N4BP2L2: variants seen among roughly 807,000 people sequenced by gnomAD.
N4BP2L2 encodes the protein NEDD4-binding protein 2-like 2.
Under a neutral mutation model 56.2 loss-of-function variants are expected in N4BP2L2, and 50 were observed. That is an observed-to-expected ratio of 0.89 (90% confidence interval 0.71 to 1.13). N4BP2L2 has a LOEUF of 1.13. Among genes scored for constraint, N4BP2L2 ranks in the 50% most tolerant of loss-of-function variants. The probability of loss-of-function intolerance (pLI) is 0.00; values close to 1 mark genes in which losing one functional copy is unlikely to be tolerated. For missense variants in N4BP2L2, 689 were observed against 693.8 expected, an observed-to-expected ratio of 0.99 and a Z score of 0.08; for synonymous variants, 203 against 223.6, an observed-to-expected ratio of 0.91 and a Z score of 0.82.
intron 6 of N4BP2L2, among the ~76,000 whole-genome samples, chr13:32,501,962 G>A (rs1240603741): frequency 1.3e-5 from 2 of 151,726 alleles, no homozygotes; most frequent in African/African-American, 2.4e-5. Flanking sequence ...ATTGTTTTGA[G>A]CAATTCCAGA....
chr13:32,498,960 G>A (rs1168830631), intron 6 of N4BP2L2, among the ~76,000 whole-genome samples: 1 of 119,702 alleles, frequency 8.4e-6, no homozygotes, highest in East Asian at 2.4e-4. Context: ...TTGCACTCCA[G>A]ACTGGGTGAC....
chr13:32,484,545 G>A (rs143459678), intron 6 of N4BP2L2, among the ~76,000 whole-genome samples: 579 of 151,934 alleles, frequency 3.8e-3, no homozygotes, highest in Non-Finnish European at 6.2e-3. Context: ...GTGCAATGAC[G>A]TGATCTCGGC....
At chr13:32,501,151 A>C (rs1488263206) in intron 6 of N4BP2L2, among the ~76,000 whole-genome samples, 2 of 152,182 alleles carry the variant, frequency 1.3e-5, no homozygotes, top group African/African-American at 4.8e-5. Context: ...TACAGGTGTG[A>C]GCCACTGCAC....
At chr13:32,526,251 T>C (rs1009758182) in intron 3 of N4BP2L2, among the ~76,000 whole-genome samples, 1 of 152,142 alleles carries the variant, frequency 6.6e-6, no homozygotes, top group African/African-American at 2.4e-5. Context: ...ATTAACTTAA[T>C]TAAATAAAAC....
At chr13:32,436,245 T>C (rs2138144359) in intron 9 of N4BP2L2, 1 of 461,770 alleles carries the variant, frequency 2.2e-6, no homozygotes, top group East Asian at 4.5e-5. Context: ...CAAACTTCAT[T>C]TTTTATATTT....
At chr13:32,518,003 C>T (rs2049630080) in exon 6 of N4BP2L2, 1 of 1,610,558 alleles carries the variant, frequency 6.2e-7, no homozygotes, top group Non-Finnish European at 8.5e-7. Flanking sequence ...GTTTATTCCT[C>T]CTAACAAAAA....
chr13:32,496,017 CACT>C (rs2088520811), intron 6 of N4BP2L2, among the ~76,000 whole-genome samples: 1 of 152,094 alleles, frequency 6.6e-6, no homozygotes, highest in African/African-American at 2.4e-5. Flanking sequence ...GACTACTCAC[CACT>C]GATTCCCCAG....
chr13:32,538,453 G>C (rs767071182), intron 1 of N4BP2L2, among the ~76,000 whole-genome samples, 165 bp downstream of exon 1: 5 of 152,158 alleles, frequency 3.3e-5, no homozygotes, highest in Non-Finnish European at 7.4e-5. Flanking sequence ...TCCCAGTGCA[G>C]ACACGCTCAG....
intron 6 of N4BP2L2, among the ~76,000 whole-genome samples, chr13:32,479,503 G>A (rs1287182409): frequency 4.6e-5 from 7 of 151,452 alleles, no homozygotes; most frequent in African/African-American, 1.7e-4. Flanking sequence ...GGATGGTCTC[G>A]ATCTCCTGAC....
At chr13:32,516,787 A>G (rs2049312603) in exon 6 of N4BP2L2, 1 of 397,140 alleles carries the variant, frequency 2.5e-6, no homozygotes, top group Non-Finnish European at 3.4e-6. Context: ...TAAGAGAAGT[A>G]GTAGTGTTTT....
At chr13:32,481,118 CAAAAAAAAAAAAA>C (rs60854435) in intron 6 of N4BP2L2, among the ~76,000 whole-genome samples, 13 of 20,716 alleles carry the variant, frequency 6.3e-4, no homozygotes, top group African/African-American at 9.2e-4. Flanking sequence ...GACTCTGTCT[CAAAAAAAAAAAAA>C]AAAAAAAAAA....
intron 6 of N4BP2L2, among the ~76,000 whole-genome samples, chr13:32,448,397 AAGTT>A (rs2077359482): frequency 6.6e-6 from 1 of 152,144 alleles, no homozygotes; most frequent in African/African-American, 2.4e-5. Flanking sequence ...CACTAAATAA[AAGTT>A]AGTCATGGAG....
intron 6 of N4BP2L2, among the ~76,000 whole-genome samples, chr13:32,500,233 T>C (rs1370719577): frequency 6.6e-6 from 1 of 152,194 alleles, no homozygotes; most frequent in Non-Finnish European, 1.5e-5. Context: ...ATCAGTGTCA[T>C]AACATAGCAA....
chr13:32,508,373 G>A (rs2091279081), downstream of N4BP2L2: 3 of 152,124 alleles, frequency 2.0e-5, no homozygotes, highest in African/African-American at 7.2e-5. Flanking sequence ...CAGCAAAGAA[G>A]GCGAGGTTGA....
At chr13:32,475,677 C>T (rs897470266) in intron 6 of N4BP2L2, among the ~76,000 whole-genome samples, 14 of 152,074 alleles carry the variant, frequency 9.2e-5, no homozygotes, top group Middle Eastern at 6.8e-3. Flanking sequence ...ATGATTGGCA[C>T]GACTGCCAGT....
Position 32,522,271 on chromosome 13 carries a change from C to G in N4BP2L2, c.1385-1G>C, listed in dbSNP as rs373298163. 6.7e-7 allele frequency: 1 copy of G among 1,493,308 alleles called. No individual in the cohort carries two copies. Among genetic ancestry groups the G allele is most frequent in the Admixed American group, 2.3e-5 (1 of 43,706 alleles). 92.5% of individuals were successfully genotyped at this position (1,493,308 alleles called of 1,614,324 possible). On this transcript the variant is annotated splice_acceptor_variant, in intron 3 of 5. Transcript: ENST00000267068. LOFTEE classifies it high-confidence loss of function. ...CTTCCCTGATCGATAGCTTGTTTTG[C>G]TGAAATAAAATATAAATTTAAAAAT...
chr13:32,488,966 A>T (rs1215814243), intron 6 of N4BP2L2, among the ~76,000 whole-genome samples: 2 of 152,212 alleles, frequency 1.3e-5, no homozygotes, highest in Non-Finnish European at 2.9e-5. Flanking sequence ...TCAGCTACTC[A>T]GGAGATGGAC....
rs938613694 is a variant in N4BP2L2 at position 32,473,273 on chromosome 13, C to T, written c.366-29147G>A. 4.0e-5 allele frequency among the ~76,000 whole-genome samples: 6 copies of T among 148,604 alleles called. No homozygotes were observed. The South Asian group carries it at 8.5e-4, about 21-fold the overall frequency. On this transcript the variant is annotated intron_variant, in intron 6 of 9. Transcript: ENST00000357505. ...CTCCAGCCTGGGCAACAGAAGGAGA[C>T]TCCGTCTCAAAAAAAAAAAAAAATT...
chr13:32,492,273 ATTTTTTTTTTTTT>A (rs72053635), intron 6 of N4BP2L2, among the ~76,000 whole-genome samples: 3 of 72,144 alleles, frequency 4.2e-5, no homozygotes, highest in African/African-American at 1.7e-4. Context: ...AAACACCAAA[ATTTTTTTTTTTTT>A]TTTTTTTTTT....
Sources: allele counts gnomAD v4.1 joint callset (sites outside exome capture counted in the v4.1 genomes callset), GRCh38; gene constraint gnomAD v4.1.1; transcripts MANE v1.5; gene names NCBI Gene and HGNC (gene_info 2026-07-23, HGNC 2026-07-21).